PLCL1: variants seen among roughly 807,000 people sequenced by gnomAD.
PLCL1 encodes the protein phospholipase C like 1 (inactive), also known as inactive phospholipase C-like protein 1.
PLCL1 carries 41 observed loss-of-function variants against 84.4 expected under a neutral mutation model. That is an observed-to-expected ratio of 0.49 (90% CI 0.38 to 0.63). PLCL1 has a LOEUF of 0.63. Among genes scored for constraint, PLCL1 ranks in the 30% least tolerant of loss-of-function variants. PLCL1 has a pLI of 0.00. For synonymous variants in PLCL1, 490 were observed against 488.3 expected (o/e 1.00, Z -0.05); for missense variants, 1,206 against 1,367.8 (o/e 0.88, Z 1.87).
At chr2:198,104,866 T>C (rs185922086) in intron 5 of PLCL1, among the ~76,000 whole-genome samples, 28 of 152,194 alleles carry the variant, frequency 1.8e-4, no homozygotes, top group Non-Finnish European at 3.1e-4. Flanking sequence ...TTGCCTGCTT[T>C]CTAATGGGGT....
At position 197,841,204 on chromosome 2, in the gene PLCL1, AT is replaced by A. The variant is rs923220844; in HGVS notation, c.240+35873del. ...ATATTGAGACCCATAGTTATTTTTTATTTTTTTTCTTCATGAACCCATAGGT... is the reference window on the plus strand; with the variant it reads ...ATATTGAGACCCATAGTTATTTTTTATTTTTTTCTTCATGAACCCATAGGT... On this transcript the variant is annotated intron_variant, in intron 1 of 5. Coordinates refer to ENST00000428675, the MANE Select transcript of PLCL1 (RefSeq NM_006226.4). 2.2e-3 allele frequency among the ~76,000 whole-genome samples: 334 copies of A among 151,814 alleles called. 1 individual carries two copies. Among genetic ancestry groups the A allele is most frequent in the African/African-American group, 7.7e-3 (318 of 41,392 alleles).
chr2:198,084,402 C>T lies in PLCL1; in HGVS notation c.885C>T (p.Thr295=), dbSNP rs1409395898. 6.2e-7 allele frequency: 1 copy of T among 1,614,000 alleles called. No homozygotes were observed. Among genetic ancestry groups the T allele is most frequent in the Admixed American group, 1.7e-5 (1 of 59,994 alleles). Residue 295 remains threonine (T), a synonymous_variant, in exon 2 of 6, where the codon ACC becomes ACT. Coordinates refer to ENST00000428675, the MANE Select transcript of PLCL1 (RefSeq NM_006226.4). ...KEIQKSKEKL[T]TRVTEEEFCE... is the part of the protein sequence containing the mutation. ...TCCAGAAGAGCAAGGAAAAACTAAC[C>T]ACCCGCGTGACCGAAGAGGAATTTT...
intron 1 of PLCL1, among the ~76,000 whole-genome samples, chr2:197,819,761 T>A (rs921973284): frequency 7.2e-5 from 11 of 152,092 alleles, no homozygotes; most frequent in Non-Finnish European, 1.5e-4. Flanking sequence ...TATAGAATAA[T>A]AATGAGCACA....
At chr2:198,071,086 CT>C in intron 1 of PLCL1, 3 of 296,486 alleles carry the variant, frequency 1.0e-5, no homozygotes, top group Non-Finnish European at 9.2e-6. Flanking sequence ...CTGTTATCTG[CT>C]TTTTAAGTAT....
Position 197,805,131 on chromosome 2 carries a change from C to A in PLCL1, c.32C>A (p.Pro11Gln). 7.6e-7 allele frequency: 1 copy of A among 1,313,598 alleles called. No homozygotes were observed. 81.4% of individuals were successfully genotyped at this position (1,313,598 alleles called of 1,614,324 possible). Reference sequence around the variant, plus strand: ...GAGGGCGCGGCCGGCAGGGAGGATCCGGCGCCGCCCGACGCGGCGGGGGGC... The same window carrying A: ...GAGGGCGCGGCCGGCAGGGAGGATCAGGCGCCGCCCGACGCGGCGGGGGGC... MAEGAAGREDPAPPDAAGGED... is the reference protein window; with the variant it reads MAEGAAGREDQAPPDAAGGED... Residue 11 changes from proline (P) to glutamine (Q), a missense_variant, in exon 1 of 6, where the codon CCG becomes CAG. Coordinates refer to ENST00000428675, the MANE Select transcript of PLCL1 (RefSeq NM_006226.4). This position sits in a 1 kb window ranked among gnomAD's most constrained non-coding sequence, Gnocchi z 4.0.
intron 3 of PLCL1, among the ~76,000 whole-genome samples, chr2:198,093,811 A>G (rs1574307386): frequency 6.6e-6 from 1 of 152,324 alleles, no homozygotes; most frequent in African/African-American, 2.4e-5. Flanking sequence ...TTGGTAGCCT[A>G]CATTTGTTGA....
chr2:198,079,213 T>C lies in PLCL1; in HGVS notation c.241-4545T>C, dbSNP rs769501157. On this transcript the variant is annotated intron_variant, in intron 1 of 5. Transcript: ENST00000428675. ...TCAATGGGAATTTATGGAAACATGT[T>C]TATTAATTTGGCTTATCTGAACTTT... Among the ~76,000 whole-genome samples, 8 of 151,760 alleles carry C rather than the reference T, an allele frequency of 5.3e-5. 1 individual carries two copies. The highest frequency in any genetic ancestry group is 9.7e-5 in the African/African-American group (4 of 41,408).
intron 1 of PLCL1, among the ~76,000 whole-genome samples, chr2:198,034,292 A>G (rs530509402): frequency 1.3e-5 from 2 of 152,198 alleles, no homozygotes; most frequent in South Asian, 2.1e-4. Context: ...ATGGTTTCCA[A>G]CTTCATCTAT....
At chr2:198,143,402 A>G (rs1238461277) in intron 5 of PLCL1, among the ~76,000 whole-genome samples, 1 of 152,190 alleles carries the variant, frequency 6.6e-6, no homozygotes, top group African/African-American at 2.4e-5. Flanking sequence ...CACAGGTCAC[A>G]GGGACTGGTA....
intron 1 of PLCL1, among the ~76,000 whole-genome samples, chr2:197,998,441 G>A (rs537530175): frequency 4.8e-4 from 73 of 152,108 alleles, no homozygotes; most frequent in Middle Eastern, 3.4e-3. Flanking sequence ...AACAGTGATG[G>A]TTTCATAGAT....
intron 1 of PLCL1, among the ~76,000 whole-genome samples, chr2:198,043,894 T>TTTTTC (rs1290757606): frequency 5.9e-5 from 9 of 151,318 alleles, no homozygotes; most frequent in Admixed American, 6.6e-5. Flanking sequence ...TTTTTTTTTT[T>TTTTTC]TTTTTAAATG....
intron 1 of PLCL1, among the ~76,000 whole-genome samples, chr2:197,868,054 A>G (rs1447022223): frequency 3.3e-5 from 5 of 152,300 alleles, no homozygotes; most frequent in Non-Finnish European, 5.9e-5. Context: ...GATTTTTACA[A>G]TTGAAAGGCC....
intron 1 of PLCL1, among the ~76,000 whole-genome samples, chr2:197,809,721 C>G (rs1388771749): frequency 6.6e-5 from 10 of 151,806 alleles, no homozygotes; most frequent in African/African-American, 1.9e-4. Context: ...TAGGCTGATA[C>G]GCAGGCAGAA....
chr2:198,058,144 A>G (rs1332541648), intron 1 of PLCL1, among the ~76,000 whole-genome samples: 1 of 152,190 alleles, frequency 6.6e-6, no homozygotes, highest in Non-Finnish European at 1.5e-5. Flanking sequence ...TAACATATTC[A>G]TATAAATAAA....
intron 1 of PLCL1, among the ~76,000 whole-genome samples, chr2:198,042,208 T>C (rs1691682299): frequency 1.3e-5 from 2 of 152,202 alleles, no homozygotes; most frequent in South Asian, 4.1e-4. Context: ...TACAGCAACC[T>C]TGCTGTTATG....
chr2:197,920,106 T>C (rs530329057), intron 1 of PLCL1, among the ~76,000 whole-genome samples: 6 of 152,164 alleles, frequency 3.9e-5, no homozygotes, highest in Non-Finnish European at 7.3e-5. Flanking sequence ...TGTTTATCCA[T>C]TGGTCTTTTT....
chr2:197,843,374 C>T (rs1687052051), intron 1 of PLCL1, among the ~76,000 whole-genome samples: 1 of 152,104 alleles, frequency 6.6e-6, no homozygotes, highest in Non-Finnish European at 1.5e-5. Context: ...TAAAAGAAAA[C>T]TTATATTTTT....
rs569673019 is a variant in PLCL1, at chr2:197,861,764, G to T, written c.240+56425G>T. ...GTGATTGCTTGCTTGGTGTATGGGGGGGAACCCCTACCCCTACATTTGGTC... is the reference window on the plus strand; with the variant it reads ...GTGATTGCTTGCTTGGTGTATGGGGTGGAACCCCTACCCCTACATTTGGTC... On this transcript the variant is annotated intron_variant, in intron 1 of 5. Coordinates refer to ENST00000428675, the MANE Select transcript of PLCL1 (RefSeq NM_006226.4). Among the ~76,000 whole-genome samples, 22 of 152,236 alleles carry T rather than the reference G, an allele frequency of 1.4e-4. No individual in the cohort carries two copies. The South Asian group carries it at 4.4e-3, about 30-fold the overall frequency.
chr2:197,976,633 G>T (rs1689987691), intron 1 of PLCL1, among the ~76,000 whole-genome samples: 1 of 152,168 alleles, frequency 6.6e-6, no homozygotes, highest in Non-Finnish European at 1.5e-5. Flanking sequence ...ATTTTTAGTG[G>T]AGATGGGGTT....
Sources: gnomAD v4.1 joint callset for allele counts (sites outside exome capture counted in the v4.1 genomes callset) on GRCh38, gnomAD v4.1.1 for gene constraint, Gnocchi (gnomAD v3.1) non-coding constraint, MANE v1.5 for transcripts, NCBI Gene and HGNC (gene_info 2026-07-23, HGNC 2026-07-21) for gene names.